MAD1L1: variants seen among roughly 807,000 people sequenced by gnomAD.
The protein encoded by MAD1L1 is mitotic arrest deficient 1 like 1.
MAD1L1 carries 95 observed loss-of-function variants against 96.9 expected under a neutral mutation model. The observed-to-expected ratio is 0.98, with a 90% CI of 0.83 to 1.16. The LOEUF (loss-of-function observed/expected upper bound fraction) is 1.16, where lower values mean the gene tolerates loss of function less well. MAD1L1 is among the 50% of genes most tolerant of loss of function. The pLI is 0.00. For synonymous variants in MAD1L1, 473 were observed against 396.6 expected (o/e 1.19, Z -2.29); for missense variants, 1,007 against 954.4 (o/e 1.06, Z -0.73).
At chr7:2,150,749 C>G (rs1789532474) in intron 10 of MAD1L1, among the ~76,000 whole-genome samples, 1 of 152,210 alleles carries the variant, frequency 6.6e-6, no homozygotes, top group African/African-American at 2.4e-5. Flanking sequence ...ACACCCAGGG[C>G]TGGTCATAAG....
At chr7:2,012,117 C>A (rs1782331009) in intron 13 of MAD1L1, among the ~76,000 whole-genome samples, 1 of 152,254 alleles carries the variant, frequency 6.6e-6, no homozygotes, top group African/African-American at 2.4e-5. Context: ...CCGCAACATA[C>A]ATCCCACTAG....
chr7:2,224,234 T>A (rs1257795568), intron 4 of MAD1L1, among the ~76,000 whole-genome samples: 3 of 152,120 alleles, frequency 2.0e-5, no homozygotes, highest in African/African-American at 7.2e-5. Flanking sequence ...ACCATCAGCA[T>A]GCTGCCTCCA....
At chr7:1,973,973 A>T (rs1780519700) in intron 15 of MAD1L1, among the ~76,000 whole-genome samples, 1 of 152,192 alleles carries the variant, frequency 6.6e-6, no homozygotes, top group Admixed American at 6.5e-5. Flanking sequence ...GGCCACGCTG[A>T]TGCTGCTGGG....
intron 18 of MAD1L1, among the ~76,000 whole-genome samples, chr7:1,830,128 G>T (rs1458454491): frequency 6.6e-6 from 1 of 152,248 alleles, no homozygotes; most frequent in Non-Finnish European, 1.5e-5. Context: ...CCAGGCCGGT[G>T]GCTCACGCCT....
chr7:2,201,439 G>A (rs1254007007), intron 10 of MAD1L1, among the ~76,000 whole-genome samples: 1 of 152,178 alleles, frequency 6.6e-6, no homozygotes, highest in Non-Finnish European at 1.5e-5. Flanking sequence ...GGAGGGGACA[G>A]CACGCAACAG....
At chr7:1,846,701 C>T (rs576537406) in intron 18 of MAD1L1, 13 of 160,190 alleles carry the variant, frequency 8.1e-5, no homozygotes, top group Admixed American at 1.8e-4. Flanking sequence ...GTTCCCAGAG[C>T]GAGGGGATGA....
At chr7:1,840,819 A>T (rs1783211861) in intron 18 of MAD1L1, among the ~76,000 whole-genome samples, 2 of 152,206 alleles carry the variant, frequency 1.3e-5, no homozygotes, top group South Asian at 4.1e-4. Flanking sequence ...TTCTCTGCCT[A>T]CTTGGACCTG....
chr7:1,974,957 G>A (rs1308387834), intron 15 of MAD1L1, among the ~76,000 whole-genome samples: 2 of 152,180 alleles, frequency 1.3e-5, no homozygotes. Flanking sequence ...GCTGCAGGCC[G>A]GACCTGGGGA....
intron 11 of MAD1L1, among the ~76,000 whole-genome samples, chr7:2,115,574 CGG>C (rs1787641795): frequency 6.7e-6 from 1 of 149,600 alleles, no homozygotes. Context: ...CCGTGTGTTC[CGG>C]GATCAGAGGA....
chr7:2,083,655 C>A (rs545208949), intron 11 of MAD1L1, among the ~76,000 whole-genome samples: 1 of 152,246 alleles, frequency 6.6e-6, no homozygotes, highest in Non-Finnish European at 1.5e-5. Flanking sequence ...GCAACGGCAT[C>A]GGACGCTAGG....
chr7:1,841,300 G>A (rs1013804417), intron 18 of MAD1L1, among the ~76,000 whole-genome samples: 3 of 152,234 alleles, frequency 2.0e-5, no homozygotes, highest in East Asian at 1.9e-4. Flanking sequence ...TCTTGGCTCC[G>A]CGTCTCGCCC....
chr7:1,898,485 G>C (rs1787036854), intron 17 of MAD1L1, 95 bp from the exon 18 acceptor site: 1 of 1,081,012 alleles, frequency 9.3e-7, no homozygotes, highest in Non-Finnish European at 1.4e-6. Flanking sequence ...CCGAGTACAG[G>C]TGGGAGTGGC....
At chr7:1,910,640 C>T (rs919338924) in intron 17 of MAD1L1, among the ~76,000 whole-genome samples, 17 of 152,232 alleles carry the variant, frequency 1.1e-4, no homozygotes, top group African/African-American at 3.9e-4. Context: ...CTCCCTAGAG[C>T]TCACGAGCAT....
intron 12 of MAD1L1, among the ~76,000 whole-genome samples, chr7:2,026,361 A>G (rs1413475618): frequency 6.6e-6 from 1 of 152,268 alleles, no homozygotes; most frequent in Non-Finnish European, 1.5e-5. Context: ...AAAACTCACA[A>G]TCATAATGGG....
Position 1,996,444 on chromosome 7 carries a change from C to T in MAD1L1, c.1416+5621G>A, listed in dbSNP as rs533097311. Among the ~76,000 whole-genome samples the T allele has an allele frequency of 6.4e-4, 97 of 152,356 alleles. No homozygotes were observed. The Middle Eastern group carries it at 0.01, about 16-fold the overall frequency. On this transcript the variant is annotated intron_variant, in intron 14 of 18. Coordinates refer to ENST00000265854, the MANE Select transcript of MAD1L1 (RefSeq NM_001013836.2). ...GAAGCCAGAGGCTCTGAGAGCCACA[C>T]GGACCACAGGCTCCTGCACAGGAGA...
chr7:2,050,161 C>T (rs894823569), intron 12 of MAD1L1, among the ~76,000 whole-genome samples: 10 of 144,630 alleles, frequency 6.9e-5, no homozygotes, highest in Non-Finnish European at 7.6e-5. Context: ...CCAGACCACA[C>T]GTTCACGGGG....
intron 18 of MAD1L1, among the ~76,000 whole-genome samples, chr7:1,823,655 G>A (rs1782241060): frequency 6.6e-6 from 1 of 152,180 alleles, no homozygotes; most frequent in South Asian, 2.1e-4. Flanking sequence ...TCACCAGGCT[G>A]GAGAGTGGCC....
rs372305272 is a variant in MAD1L1, at chr7:1,907,214, G to C, written c.1808-8824C>G. Among the ~76,000 whole-genome samples, 193 of 152,154 alleles carry C rather than the reference G, an allele frequency of 1.3e-3. 3 individuals carry two copies. The East Asian group carries it at 0.028, about 22-fold the overall frequency. On this transcript the variant is annotated intron_variant, in intron 17 of 18. Transcript: ENST00000265854. ...TGCCACCGCCTTGCCCCTGTCCCAC[G>C]GTCCCCCAGCTCCTGCCCGACCTGG...
intron 10 of MAD1L1, among the ~76,000 whole-genome samples, chr7:2,209,646 C>T (rs928063222): frequency 7.9e-5 from 12 of 152,318 alleles, no homozygotes; most frequent in South Asian, 2.1e-4. Context: ...ATCACCAAGG[C>T]GGGGGCACCA....
Sources: gnomAD v4.1 joint callset for allele counts (sites outside exome capture counted in the v4.1 genomes callset) on GRCh38, gnomAD v4.1.1 for gene constraint, MANE v1.5 for transcripts, NCBI Gene and HGNC (gene_info 2026-07-23, HGNC 2026-07-21) for gene names.